TMEM184B: variants seen among roughly 807,000 people sequenced by gnomAD.
TMEM184B encodes the protein putative MAPK-activating protein FM08.
In TMEM184B, 17 loss-of-function variants were observed where a neutral mutation model predicts 41.8. The observed-to-expected ratio is 0.41, with a 90% CI of 0.28 to 0.61. The LOEUF is 0.61. Among genes scored for constraint, TMEM184B ranks in the 20% least tolerant of loss-of-function variants. TMEM184B has a pLI of 0.34. For missense variants in TMEM184B, 393 were observed against 557.8 expected, an observed-to-expected ratio of 0.70 and a Z score of 2.98; for synonymous variants, 240 against 229.5, an observed-to-expected ratio of 1.05 and a Z score of -0.41.
intron 3 of TMEM184B, among the ~76,000 whole-genome samples, chr22:38,235,107 G>A (rs2091740366): frequency 6.6e-6 from 1 of 152,190 alleles, no homozygotes; most frequent in Admixed American, 6.5e-5. Context: ...CAACACTGAA[G>A]GAAGGAATGG....
At chr22:38,228,896 A>G (rs1037302514) in intron 5 of TMEM184B, among the ~76,000 whole-genome samples, 2 of 152,226 alleles carry the variant, frequency 1.3e-5, no homozygotes, top group Non-Finnish European at 2.9e-5. Flanking sequence ...TAATCATCAA[A>G]CAAGGCAGTG....
chr22:38,246,806 C>A lies in TMEM184B; in HGVS notation c.193-706G>T, dbSNP rs576793092. ...ACACAAATGCCAAGAGCTGCTCTAC[C>A]ACAGTCCTCAGTCCAGGCAGCCCCT... is the stretch of plus-strand genomic sequence containing the variant. On this transcript the variant is annotated intron_variant, in intron 2 of 8. Transcript: ENST00000361906. 3.1e-6 allele frequency: 4 copies of A among 1,278,622 alleles called. No individual in the cohort carries two copies. The East Asian group carries it at 2.3e-4, about 74-fold the overall frequency. The allele number at this position is 1,278,622 out of a possible 1,614,324, so 79.2% of individuals were successfully genotyped here.
intron 3 of TMEM184B, among the ~76,000 whole-genome samples, chr22:38,240,385 T>TA (rs1242149860): frequency 1.3e-5 from 2 of 151,090 alleles, no homozygotes; most frequent in Non-Finnish European, 3.0e-5. Flanking sequence ...AAGGTAAGAT[T>TA]AAAAAAACAA....
At chr22:38,253,091 G>A (rs1390795582) in intron 1 of TMEM184B, among the ~76,000 whole-genome samples, 4 of 152,188 alleles carry the variant, frequency 2.6e-5, no homozygotes, top group African/African-American at 9.6e-5. Context: ...GCAGTGAGCC[G>A]AGATCGCGCC....
Position 38,252,678 on chromosome 22 carries a change from G to A in TMEM184B, c.-58-4659C>T, listed in dbSNP as rs974473084. Among the ~76,000 whole-genome samples, 9 of 152,130 alleles carry A rather than the reference G, an allele frequency of 5.9e-5. 1 individual carries two copies. In the South Asian group the frequency reaches 1.5e-3, roughly 25 times the overall value. On this transcript the variant is annotated intron_variant, in intron 1 of 8. Coordinates refer to ENST00000361906, the MANE Select transcript of TMEM184B (RefSeq NM_012264.5). The stretch of plus-strand genomic sequence containing the variant: ...GGTCAGAGAAGGCTTCCATGTGGTG[G>A]GGACATAACCAGGCTTCTGCTGTGA...
Position 38,220,583 on chromosome 22 carries a change from G to C in TMEM184B, c.*886C>G. 9 of 986,030 alleles carry C rather than the reference G, an allele frequency of 9.1e-6. No individual in the cohort carries two copies. Among genetic ancestry groups the C allele is most frequent in the Non-Finnish European group, 1.1e-5 (9 of 830,022 alleles). 61.1% of individuals were successfully genotyped at this position (986,030 alleles called of 1,614,324 possible). The stretch of plus-strand genomic sequence containing the variant: ...AGACTCAGACCTTTCCCCTGAAACG[G>C]GAGGGAGAAGCCCCAAAGAGAGAGA... On this transcript the variant is annotated 3_prime_UTR_variant, in exon 9 of 9. Transcript: ENST00000361906.
At chr22:38,269,030 A>G (rs1226898988) in intron 1 of TMEM184B, among the ~76,000 whole-genome samples, 1 of 152,274 alleles carries the variant, frequency 6.6e-6, no homozygotes, top group Admixed American at 6.5e-5. Flanking sequence ...CCCATCTTAC[A>G]GATGAAGGAA....
At chr22:38,256,920 G>A (rs947365475) in intron 1 of TMEM184B, among the ~76,000 whole-genome samples, 16 of 151,928 alleles carry the variant, frequency 1.1e-4, no homozygotes, top group African/African-American at 2.9e-4. Context: ...CTTCCTCAAC[G>A]GGTGACGTCT....
At chr22:38,218,529 G>A (rs1038743973), downstream of TMEM184B, among the ~76,000 whole-genome samples, 1 of 152,034 alleles carries the variant, frequency 6.6e-6, no homozygotes, top group Non-Finnish European at 1.5e-5. Flanking sequence ...TATGGGGCTG[G>A]CTGGGTATGG....
At chr22:38,262,718 C>G (rs956523623) in intron 1 of TMEM184B, among the ~76,000 whole-genome samples, 1 of 152,156 alleles carries the variant, frequency 6.6e-6, no homozygotes, top group Non-Finnish European at 1.5e-5. Flanking sequence ...AAGGCCGGGA[C>G]CGGGGGTCGT....
At chr22:38,250,556 TA>T (rs1441160832) in intron 1 of TMEM184B, among the ~76,000 whole-genome samples, 2 of 152,166 alleles carry the variant, frequency 1.3e-5, no homozygotes, top group Non-Finnish European at 2.9e-5. Flanking sequence ...GTGCCAGAAA[TA>T]TTTCTTGAAA....
At chr22:38,258,174 A>C (rs2092314491) in intron 1 of TMEM184B, among the ~76,000 whole-genome samples, 1 of 152,062 alleles carries the variant, frequency 6.6e-6, no homozygotes, top group Admixed American at 6.6e-5. Flanking sequence ...ATTATCACCT[A>C]AGCTGGGCCT....
In TMEM184B at chr22:38,256,852, G is replaced by A. The variant is rs149434049; in HGVS notation, c.-58-8833C>T. Among the ~76,000 whole-genome samples the A allele has an allele frequency of 3.3e-3, 496 of 152,106 alleles. 4 individuals carry two copies. Among genetic ancestry groups the A allele is most frequent in the African/African-American group, 5.7e-3 (236 of 41,470 alleles). Reference sequence around the variant, plus strand: ...TTAAACTTTCTATTTTGAAATAATCGTAGGTTCACAGGAAATTGCAAAAAT... The same window carrying A: ...TTAAACTTTCTATTTTGAAATAATCATAGGTTCACAGGAAATTGCAAAAAT... On this transcript the variant is annotated intron_variant, in intron 1 of 8. Transcript: ENST00000361906.
At chr22:38,248,047 C>A (rs772376198) in intron 1 of TMEM184B, 28 bp from the exon 2 acceptor site, 252 of 1,475,942 alleles carry the variant, frequency 1.7e-4, no homozygotes, top group Non-Finnish European at 2.1e-4. Flanking sequence ...CAATGTGAGT[C>A]TCCTCCCAGG....
intron 3 of TMEM184B, among the ~76,000 whole-genome samples, chr22:38,242,056 TA>T (rs1308305343): frequency 2.0e-5 from 3 of 152,046 alleles, no homozygotes; most frequent in African/African-American, 7.2e-5. Flanking sequence ...GAGTTGAAAG[TA>T]CAGTGAACTT....
Position 38,219,371 on chromosome 22 carries a change from A to G in TMEM184B, c.*2098T>C. The G allele has an allele frequency of 1.0e-6, 1 of 985,854 alleles. No homozygotes were observed. Among genetic ancestry groups the G allele is most frequent in the Non-Finnish European group, 1.2e-6 (1 of 829,928 alleles). 61.1% of individuals were successfully genotyped at this position (985,854 alleles called of 1,614,324 possible). On this transcript the variant is annotated 3_prime_UTR_variant, in exon 9 of 9. Coordinates refer to ENST00000361906, the MANE Select transcript of TMEM184B (RefSeq NM_012264.5). ...TGCTCACTTCTGTCACGCATTTAAA[A>G]TGTCACAGAGACCAAAATAGAGTGG... is the stretch of plus-strand genomic sequence containing the variant.
intron 1 of TMEM184B, among the ~76,000 whole-genome samples, chr22:38,269,211 G>A (rs142639832): frequency 1.7e-4 from 26 of 152,232 alleles, no homozygotes; most frequent in Non-Finnish European, 2.8e-4. Flanking sequence ...TCCTCCTCCC[G>A]TGCTCCTAGT....
At chr22:38,255,558 T>C (rs1361422999) in intron 1 of TMEM184B, among the ~76,000 whole-genome samples, 3 of 152,234 alleles carry the variant, frequency 2.0e-5, no homozygotes, top group African/African-American at 7.2e-5. Flanking sequence ...TGAAAACGTA[T>C]ATTCACACAA....
Position 38,226,677 on chromosome 22 carries a change from G to A in TMEM184B, c.617+102C>T, listed in dbSNP as rs569409850. 1 of 1,188,378 alleles carries A rather than the reference G, an allele frequency of 8.4e-7. No individual in the cohort carries two copies. Among genetic ancestry groups the A allele is most frequent in the African/African-American group, 1.5e-5 (1 of 66,228 alleles). 73.6% of individuals were successfully genotyped at this position (1,188,378 alleles called of 1,614,324 possible). On this transcript the variant is annotated intron_variant, in intron 6 of 8. Coordinates refer to ENST00000361906, the MANE Select transcript of TMEM184B (RefSeq NM_012264.5). This position sits in a 1 kb window ranked among gnomAD's most constrained non-coding sequence, Gnocchi z 4.6. ...TTGTGAGCACCAGACACCCAGGAAG[G>A]TCATGGCTGTGCGGCCACTCTGGCT...
Sources: gnomAD v4.1 joint callset for allele counts (sites outside exome capture counted in the v4.1 genomes callset) on GRCh38, gnomAD v4.1.1 for gene constraint, Gnocchi (gnomAD v3.1) non-coding constraint, MANE v1.5 for transcripts, NCBI Gene and HGNC (gene_info 2026-07-23, HGNC 2026-07-21) for gene names.